WNT3: variants seen among roughly 807,000 people sequenced by gnomAD.
The protein encoded by WNT3 is proto-oncogene Wnt-3.
A neutral mutation model predicts 34.2 loss-of-function variants in WNT3; 7 were observed. That is an observed-to-expected ratio of 0.20 (90% CI 0.12 to 0.38). The LOEUF (loss-of-function observed/expected upper bound fraction) is 0.38. Among genes scored for constraint, WNT3 ranks in the 10% least tolerant of loss-of-function variants. The pLI is 1.00. For synonymous variants in WNT3, 212 were observed against 211.5 expected, an observed-to-expected ratio of 1.00 and a Z score of -0.02; for missense variants, 267 against 499.8, an observed-to-expected ratio of 0.53 and a Z score of 4.44.
intron 1 of WNT3, among the ~76,000 whole-genome samples, chr17:46,784,016 G>A (rs762156960): frequency 1.3e-5 from 2 of 152,194 alleles, no homozygotes; most frequent in Non-Finnish European, 2.9e-5. Flanking sequence ...TCTGGGGCCT[G>A]GGGATCCATT....
chr17:46,805,113 A>G (rs2084177607), intron 1 of WNT3, among the ~76,000 whole-genome samples: 1 of 152,112 alleles, frequency 6.6e-6, no homozygotes, highest in Admixed American at 6.6e-5. Context: ...ACTGGAAGGA[A>G]CCAACTCCAG....
intron 4 of WNT3, among the ~76,000 whole-genome samples, chr17:46,767,168 T>A (rs933422185): frequency 2.0e-5 from 3 of 151,994 alleles, no homozygotes; most frequent in Non-Finnish European, 4.4e-5. Context: ...TATCCCGGGG[T>A]GCTGTGGAAC....
Position 46,781,232 on chromosome 17 carries a change from C to CA in WNT3, c.81-7324dup, listed in dbSNP as rs376907784. 1.2e-3 allele frequency among the ~76,000 whole-genome samples: 174 copies of CA among 144,002 alleles called. 1 individual carries two copies. The highest frequency in any genetic ancestry group is 4.0e-3 in the African/African-American group (154 of 38,954). 94.5% of individuals were successfully genotyped at this position (144,002 alleles called of 152,430 possible). ...CAGAGCAAGACTCTGTCCCCCCAACCAAAAAAAAAAAAAGGAATGAAATTC... is the reference window on the plus strand; with the variant it reads ...CAGAGCAAGACTCTGTCCCCCCAACCAAAAAAAAAAAAAAGGAATGAAATTC... On this transcript the variant is annotated intron_variant, in intron 1 of 4. Coordinates refer to ENST00000225512, the MANE Select transcript of WNT3 (RefSeq NM_030753.5).
rs151238191 is a variant in WNT3 at position 46,818,580 on chromosome 17, G to A, written c.18C>T (p.Leu6=). The change falls in exon 1 of 5, where the codon CTC becomes CTT. Residue 6 remains leucine (L), a synonymous_variant. Transcript: ENST00000225512. MEPHL[L]GLLLGLLLGG... is the part of the protein sequence containing the mutation. ...CGAGCAGGAGGCCGAGGAGCAGCCC[G>A]AGCAGGTGGGGCTCCATTAGAAGAG... 3.9e-4 allele frequency: 629 copies of A among 1,603,672 alleles called. 2 individuals are homozygous for A. In the African/African-American group the frequency reaches 7.5e-3, roughly 19 times the overall value.
chr17:46,814,993 G>T (rs1342554835), intron 1 of WNT3, among the ~76,000 whole-genome samples: 1 of 152,164 alleles, frequency 6.6e-6, no homozygotes, highest in East Asian at 1.9e-4. Context: ...GGCAGGGCAG[G>T]CTGGGGACTC....
intron 1 of WNT3, among the ~76,000 whole-genome samples, chr17:46,781,322 G>A (rs2059459064): frequency 6.6e-6 from 1 of 151,518 alleles, no homozygotes; most frequent in Admixed American, 6.6e-5. Context: ...ACAGAAGCCA[G>A]ACACGGAAGA....
chr17:46,788,237 T>C (rs199498), intron 1 of WNT3, among the ~76,000 whole-genome samples: 31,265 of 152,180 alleles, frequency 0.21, 3,932 homozygotes, highest in East Asian at 0.53. Context: ...CTAATTCAAA[T>C]TTTTCCTAAG....
intron 1 of WNT3, among the ~76,000 whole-genome samples, chr17:46,802,198 A>G (rs1044360932): frequency 1.3e-5 from 2 of 152,310 alleles, no homozygotes; most frequent in Admixed American, 1.3e-4. Flanking sequence ...GGCAGCCCCT[A>G]GGCAGCTTCA....
intron 1 of WNT3, among the ~76,000 whole-genome samples, chr17:46,807,151 A>C (rs1290264075): frequency 1.3e-5 from 2 of 152,182 alleles, no homozygotes; most frequent in African/African-American, 4.8e-5. Context: ...CTCTGAAGAC[A>C]AGACCTTTGT....
chr17:46,790,621 C>G (rs961690172), intron 1 of WNT3, among the ~76,000 whole-genome samples: 1 of 152,138 alleles, frequency 6.6e-6, no homozygotes, highest in Non-Finnish European at 1.5e-5. Context: ...AGGATCAACC[C>G]GTCCCCTGTT....
chr17:46,788,560 A>G (rs536996843), intron 1 of WNT3, among the ~76,000 whole-genome samples: 4 of 152,244 alleles, frequency 2.6e-5, no homozygotes, highest in Admixed American at 6.5e-5. Context: ...AATGTCTCCA[A>G]TTCAAATTGT....
intron 1 of WNT3, among the ~76,000 whole-genome samples, chr17:46,786,610 G>A (rs1025127674): frequency 3.9e-5 from 6 of 152,232 alleles, no homozygotes; most frequent in Non-Finnish European, 5.9e-5. Context: ...ACTTTGCTGC[G>A]CAGTTCAGGA....
At chr17:46,792,995 T>A (rs2084006025) in intron 1 of WNT3, among the ~76,000 whole-genome samples, 1 of 150,186 alleles carries the variant, frequency 6.7e-6, no homozygotes, top group African/African-American at 2.5e-5. Context: ...CTGAGGGAGG[T>A]GGCTCACACC....
intron 4 of WNT3, among the ~76,000 whole-genome samples, chr17:46,766,068 A>C (rs1454310023): frequency 6.6e-6 from 1 of 152,174 alleles, no homozygotes; most frequent in East Asian, 1.9e-4. Flanking sequence ...AGGAAAAAAA[A>C]CACTCATTGT....
At chr17:46,769,689 G>A in intron 3 of WNT3, 94 bp downstream of exon 3, 1 of 1,539,624 alleles carries the variant, frequency 6.5e-7, no homozygotes, top group Non-Finnish European at 8.8e-7. Context: ...GACCCACAGG[G>A]CTGCCGGAAG....
rs941006961 is a variant in WNT3, at chr17:46,773,538, C to T, written c.322+130G>A. 28 of 1,110,896 alleles carry T rather than the reference C, an allele frequency of 2.5e-5. 1 individual carries two copies. Among genetic ancestry groups the T allele is most frequent in the Middle Eastern group, 3.1e-4 (1 of 3,258 alleles). 68.8% of individuals were successfully genotyped at this position (1,110,896 alleles called of 1,614,324 possible). On this transcript the variant is annotated intron_variant, in intron 2 of 4. Transcript: ENST00000225512. ...CTGGGAAGGTGTGGCAGTCATGCAA[C>T]CAAATTTATCACCCTCCCAGAGGGA...
intron 1 of WNT3, among the ~76,000 whole-genome samples, chr17:46,788,232 T>G (rs1236830618): frequency 6.6e-6 from 1 of 152,322 alleles, no homozygotes; most frequent in East Asian, 1.9e-4. Flanking sequence ...GAATTCTAAT[T>G]CAAATTTTTC....
chr17:46,789,636 C>T (rs1210982859), intron 1 of WNT3, among the ~76,000 whole-genome samples: 4 of 152,208 alleles, frequency 2.6e-5, no homozygotes, highest in Non-Finnish European at 4.4e-5. Flanking sequence ...CAAATGACAC[C>T]ATGGGGAAGC....
At chr17:46,818,208 G>A (rs1598805998) in intron 1 of WNT3, among the ~76,000 whole-genome samples, 1 of 152,092 alleles carries the variant, frequency 6.6e-6, no homozygotes, top group South Asian at 2.1e-4. Flanking sequence ...CAAATGGGGG[G>A]TCTTCGGGGG....
Sources: allele counts gnomAD v4.1 joint callset (sites outside exome capture counted in the v4.1 genomes callset), GRCh38; gene constraint gnomAD v4.1.1; transcripts MANE v1.5; gene names NCBI Gene and HGNC (gene_info 2026-07-23, HGNC 2026-07-21).